The following OCA2 variants were observed in gnomAD, a reference collection of about 807,000 sequenced individuals.
The protein encoded by OCA2 is OCA2 melanosomal transmembrane protein.
OCA2 carries 77 observed loss-of-function variants against 100.2 expected under a neutral mutation model. That is an observed-to-expected ratio of 0.77 (90% CI 0.64 to 0.93). The LOEUF is 0.93. OCA2 is among the 40% of genes least tolerant of loss of function. The pLI, the probability that OCA2 is intolerant of heterozygous loss-of-function variation, is 0.00. For synonymous variants in OCA2, 432 were observed against 439.2 expected (o/e 0.98, Z 0.21); for missense variants, 1,062 against 1,089.1 (o/e 0.98, Z 0.35).
chr15:27,863,456 A>G (rs953331600), intron 21 of OCA2, among the ~76,000 whole-genome samples: 6 of 152,146 alleles, frequency 3.9e-5, no homozygotes, highest in South Asian at 4.1e-4. Context: ...TCCAATGCCA[A>G]TGTGTGGAGT....
chr15:28,082,451 C>T (rs1212670097), intron 1 of OCA2, among the ~76,000 whole-genome samples: 1 of 152,168 alleles, frequency 6.6e-6, no homozygotes, highest in Admixed American at 6.5e-5. Flanking sequence ...TCAGTGAGAG[C>T]AAGAACCCAC....
At chr15:27,770,454 G>A (rs992972776) in intron 23 of OCA2, among the ~76,000 whole-genome samples, 2 of 152,212 alleles carry the variant, frequency 1.3e-5, no homozygotes, top group Admixed American at 1.3e-4. Flanking sequence ...CCTGAGAACC[G>A]GCATCCACAC....
Position 27,922,680 on chromosome 15 carries a change from G to GTGTGT in OCA2, c.2079+3446_2079+3447insACACA, listed in dbSNP as rs61038958. Among the ~76,000 whole-genome samples the GTGTGT allele has an allele frequency of 5.1e-3, 752 of 147,198 alleles. 9 individuals are homozygous for GTGTGT. The highest frequency in any genetic ancestry group is 0.031 in the East Asian group (152 of 4,976). ...ATAGCTTTTGTGGTTTTTTGTTTGG[G>GTGTGT]GTGTGTGTGTGTGTGTGTGTGTGTG... is the stretch of plus-strand genomic sequence containing the variant. On this transcript the variant is annotated intron_variant, in intron 19 of 23. Transcript: ENST00000354638.
intron 23 of OCA2, among the ~76,000 whole-genome samples, chr15:27,786,226 C>G (rs1415170996): frequency 6.6e-6 from 1 of 152,128 alleles, no homozygotes; most frequent in Admixed American, 6.5e-5. Context: ...AAGCCCTACA[C>G]CTTTGTTCTT....
At chr15:27,796,736 G>A (rs886641382) in intron 23 of OCA2, among the ~76,000 whole-genome samples, 6 of 152,226 alleles carry the variant, frequency 3.9e-5, no homozygotes, top group African/African-American at 1.4e-4. Flanking sequence ...CTGGCCCCAG[G>A]TTGGAAGCAA....
chr15:27,952,116 G>A (rs975879454), intron 17 of OCA2, among the ~76,000 whole-genome samples: 1 of 152,222 alleles, frequency 6.6e-6, no homozygotes, highest in Non-Finnish European at 1.5e-5. Flanking sequence ...GATGTCAAGA[G>A]TAGCACAGCC....
At chr15:27,780,996 G>A (rs1451562126) in intron 23 of OCA2, among the ~76,000 whole-genome samples, 1 of 152,172 alleles carries the variant, frequency 6.6e-6, no homozygotes, top group Non-Finnish European at 1.5e-5. Context: ...TCTAAGCTGA[G>A]TGTCTCTTCT....
chr15:27,774,779 C>G (rs1348071383), intron 23 of OCA2, among the ~76,000 whole-genome samples: 1 of 152,156 alleles, frequency 6.6e-6, no homozygotes, highest in Admixed American at 6.5e-5. Context: ...TCTAGACACA[C>G]AGAGAGGCAG....
At chr15:28,033,840 C>A (rs955441905) in intron 2 of OCA2, among the ~76,000 whole-genome samples, 6 of 152,120 alleles carry the variant, frequency 3.9e-5, no homozygotes, top group Admixed American at 3.9e-4. Flanking sequence ...AACTGTAACT[C>A]CCTAGGTACA....
At chr15:28,098,508 C>T (rs1765055659) in intron 1 of OCA2, among the ~76,000 whole-genome samples, 1 of 152,210 alleles carries the variant, frequency 6.6e-6, no homozygotes, top group African/African-American at 2.4e-5. Flanking sequence ...ATCACTCACC[C>T]TAAATCTACA....
intron 2 of OCA2, among the ~76,000 whole-genome samples, chr15:28,075,032 A>G (rs2141836410): frequency 6.6e-6 from 1 of 152,372 alleles, no homozygotes; most frequent in East Asian, 1.9e-4. Context: ...AATGGATTAT[A>G]TGCCTAAATG....
chr15:27,983,230 G>A, intron 14 of OCA2, 115 bp downstream of exon 14: 3 of 1,291,088 alleles, frequency 2.3e-6, no homozygotes, highest in East Asian at 4.6e-5. Flanking sequence ...AGCACTTACT[G>A]TGAAGAGGTG....
chr15:27,884,055 C>T (rs1341595662), intron 19 of OCA2, among the ~76,000 whole-genome samples: 1 of 152,144 alleles, frequency 6.6e-6, no homozygotes, highest in Non-Finnish European at 1.5e-5. Context: ...TTAGTAAAAA[C>T]TCATTATAAA....
chr15:28,076,977 T>G (rs1013143023), intron 2 of OCA2, among the ~76,000 whole-genome samples: 5 of 152,062 alleles, frequency 3.3e-5, no homozygotes, highest in African/African-American at 1.2e-4. Context: ...TTCAAAATTT[T>G]CTGAGATTTA....
chr15:27,999,275 T>C (rs981644826), intron 9 of OCA2, among the ~76,000 whole-genome samples: 1 of 152,158 alleles, frequency 6.6e-6, no homozygotes, highest in African/African-American at 2.4e-5. Context: ...CATGATTAAG[T>C]AGGAATTATT....
intron 2 of OCA2, among the ~76,000 whole-genome samples, chr15:28,035,119 T>C (rs1203003371): frequency 6.6e-6 from 1 of 151,974 alleles, no homozygotes; most frequent in African/African-American, 2.4e-5. Context: ...TGGGGAAAAA[T>C]CCAAAGTCCA....
At chr15:27,880,796 A>C (rs1595567232) in intron 19 of OCA2, among the ~76,000 whole-genome samples, 1 of 152,342 alleles carries the variant, frequency 6.6e-6, no homozygotes, top group East Asian at 1.9e-4. Context: ...GGATCATGTC[A>C]TCTGCAAACA....
Position 28,050,400 on chromosome 15 carries a change from C to T in OCA2, c.228-18237G>A, listed in dbSNP as rs545080176. Among the ~76,000 whole-genome samples, 7 of 151,978 alleles carry T rather than the reference C, an allele frequency of 4.6e-5. 1 individual carries two copies. In the South Asian group the frequency reaches 6.3e-4, roughly 14 times the overall value. ...GGTGAAACCCCGTCTCTACTAAAAACGCAAAAATTAGCAGGCCAGCAATAG... is the reference window on the plus strand; with the variant it reads ...GGTGAAACCCCGTCTCTACTAAAAATGCAAAAATTAGCAGGCCAGCAATAG... On this transcript the variant is annotated intron_variant, in intron 2 of 23. Transcript: ENST00000354638.
At chr15:27,934,325 A>G (rs900508155) in intron 18 of OCA2, among the ~76,000 whole-genome samples, 4 of 152,146 alleles carry the variant, frequency 2.6e-5, no homozygotes, top group African/African-American at 2.4e-5. Context: ...ATTTCTACTT[A>G]TGTTAGCTTT....
Sources: gnomAD v4.1 joint callset for allele counts (sites outside exome capture counted in the v4.1 genomes callset) on GRCh38, gnomAD v4.1.1 for gene constraint, MANE v1.5 for transcripts, NCBI Gene and HGNC (gene_info 2026-07-23, HGNC 2026-07-21) for gene names.